Variants in APEX1 observed in about 807,000 individuals in gnomAD.
APEX1 encodes the protein apurinic/apyrimidinic endodeoxyribonuclease 1.
A neutral mutation model predicts 33.2 loss-of-function variants in APEX1; 32 were observed. The observed-to-expected ratio is 0.96, with a 90% CI of 0.73 to 1.29. The LOEUF is 1.29. Among genes scored for constraint, APEX1 ranks in the 50% most tolerant of loss-of-function variants. The pLI is 0.00. For synonymous variants in APEX1, 175 were observed against 156.6 expected (o/e 1.12, Z -0.88); for missense variants, 442 against 395.6 (o/e 1.12, Z -0.99).
Position 20,456,732 on chromosome 14 carries a change from T to C in APEX1, c.311T>C (p.Leu104Pro). 4 of 1,614,250 alleles carry C rather than the reference T, an allele frequency of 2.5e-6. No individual in the cohort carries two copies. In the South Asian group the frequency reaches 4.4e-5, roughly 18 times the overall value. Residue 104 changes from leucine to proline, a missense_variant, in exon 4 of 5, where the codon CTA (leucine) becomes CCA (proline). Physicochemically the swap from Leu to Pro is moderately conservative, Grantham distance 98 (BLOSUM62 -3). Coordinates refer to ENST00000216714, the MANE Select transcript of APEX1 (RefSeq NM_001641.4). ...GAGACCAAATGTTCAGAGAACAAACTACCAGCTGAACTTCAGGAGCTGCCT... is the reference window on the plus strand; with the variant it reads ...GAGACCAAATGTTCAGAGAACAAACCACCAGCTGAACTTCAGGAGCTGCCT... ...LQETKCSENK[L>P]PAELQELPGL...
Position 20,457,116 on chromosome 14 carries a change from G to A in APEX1, c.565G>A (p.Asp189Asn). The A allele has an allele frequency of 1.2e-6, 2 of 1,614,186 alleles. No homozygotes were observed. The highest frequency in any genetic ancestry group is 2.2e-5 in the East Asian group (1 of 44,890). The change falls in exon 5 of 5, where the codon GAT (aspartate) becomes AAT (asparagine). Residue 189 changes from aspartate to asparagine, a missense_variant. Asp to Asn is a conservative substitution (Grantham distance 23). Transcript: ENST00000216714. Reference protein sequence around the residue: ...LVRLEYRQRWDEAFRKFLKGL... With the variant: ...LVRLEYRQRWNEAFRKFLKGL... ...ACGACTGGAGTACCGGCAGCGCTGG[G>A]ATGAAGCCTTTCGCAAGTTCCTGAA...
chr14:20,455,817 T>TC, intron 2 of APEX1, 97 bp from the exon 3 acceptor site: 4 of 1,613,704 alleles, frequency 2.5e-6, no homozygotes, highest in Non-Finnish European at 3.4e-6. Flanking sequence ...TGTGAAGAAG[T>TC]CGCAGGAACC....
In APEX1 at chr14:20,457,717, C is replaced by G; in HGVS notation, c.*209C>G. ...TTAAAAAAAAATTGAACAAAGACTA[C>G]TAATGACTTTGTTTGAATTATCCAC... On this transcript the variant is annotated 3_prime_UTR_variant, in exon 5 of 5. Coordinates refer to ENST00000216714, the MANE Select transcript of APEX1 (RefSeq NM_001641.4). The G allele has an allele frequency of 1.5e-6, 1 of 655,202 alleles. No homozygotes were observed. 40.6% of individuals were successfully genotyped at this position (655,202 alleles called of 1,614,324 possible).
In APEX1 at chr14:20,455,533, T is replaced by C. The variant is rs1555332089; in HGVS notation, c.-68-45T>C. 2.5e-6 allele frequency: 4 copies of C among 1,574,400 alleles called. No individual in the cohort carries two copies. The South Asian group carries it at 3.4e-5, about 13-fold the overall frequency. On this transcript the variant is annotated intron_variant, in intron 1 of 4. Transcript: ENST00000216714. ...TGCGGGGACGCTCTTGGGAGGAGTC[T>C]TCTCCCCAGCCTTAGCTGGTTTCAT...
chr14:20,457,362 A>G lies in APEX1; in HGVS notation c.811A>G (p.Met271Val). Reference sequence around the variant, plus strand: ...TGCCTACACCTTTTGGACTTATATGATGAATGCTCGATCCAAGAATGTTGG... The same window carrying G: ...TGCCTACACCTTTTGGACTTATATGGTGAATGCTCGATCCAAGAATGTTGG... Reference protein sequence around the residue: ...PYAYTFWTYMMNARSKNVGWR... With the variant: ...PYAYTFWTYMVNARSKNVGWR... The change falls in exon 5 of 5, where the codon ATG becomes GTG. Residue 271 changes from methionine to valine, a missense_variant. Met to Val is a conservative substitution (Grantham distance 21, BLOSUM62 1). Coordinates refer to ENST00000216714, the MANE Select transcript of APEX1 (RefSeq NM_001641.4). 1 of 1,614,150 alleles carries G rather than the reference A, an allele frequency of 6.2e-7. No individual in the cohort carries two copies. Among genetic ancestry groups the G allele is most frequent in the Non-Finnish European group, 8.5e-7 (1 of 1,180,030 alleles).
chr14:20,457,599 T>C lies in APEX1; in HGVS notation c.*91T>C. The C allele has an allele frequency of 6.6e-7, 1 of 1,515,480 alleles. No homozygotes were observed. The highest frequency in any genetic ancestry group is 9.1e-7 in the Non-Finnish European group (1 of 1,101,990). The allele number at this position is 1,515,480 out of a possible 1,614,324, so 93.9% of individuals were successfully genotyped here. On this transcript the variant is annotated 3_prime_UTR_variant, in exon 5 of 5. Transcript: ENST00000216714. Reference sequence around the variant, plus strand: ...ACTCTTCAGAGAAATCTGCATTCTATTTCTCATGTATAAAACTAGGAATCC... The same window carrying C: ...ACTCTTCAGAGAAATCTGCATTCTACTTCTCATGTATAAAACTAGGAATCC...
intron 1 of APEX1, 26 bp downstream of exon 1, chr14:20,455,420 G>A: frequency 3.0e-6 from 2 of 662,414 alleles, no homozygotes; most frequent in East Asian, 2.8e-5. Flanking sequence ...AAATGATCTA[G>A]TTTCGTGGGT....
intron 1 of APEX1, 66 bp downstream of exon 1, chr14:20,455,460 G>T: frequency 1.1e-6 from 1 of 923,812 alleles, no homozygotes; most frequent in East Asian, 2.6e-5. Context: ...GATGCACGGA[G>T]GCGGGGAAAG....
chr14:20,455,792 A>G, intron 2 of APEX1, 89 bp downstream of exon 2: 2 of 1,613,814 alleles, frequency 1.2e-6, no homozygotes. Context: ...GGGCCGACTC[A>G]TTTTTGCAGG....
Position 20,457,126 on chromosome 14 carries a change from T to C in APEX1, c.575T>C (p.Phe192Ser). The C allele has an allele frequency of 8.1e-6, 13 of 1,614,168 alleles. No homozygotes were observed. The highest frequency in any genetic ancestry group is 1.1e-5 in the Non-Finnish European group (13 of 1,180,032). The change falls in exon 5 of 5, where the codon TTT becomes TCT. Residue 192 changes from phenylalanine (F) to serine (S), a missense_variant. Physicochemically the swap from Phe to Ser is radical, Grantham distance 155. Coordinates refer to ENST00000216714, the MANE Select transcript of APEX1 (RefSeq NM_001641.4). ...TACCGGCAGCGCTGGGATGAAGCCT[T>C]TCGCAAGTTCCTGAAGGGCCTGGCT... is the stretch of plus-strand genomic sequence containing the variant. ...LEYRQRWDEA[F>S]RKFLKGLASR...
chr14:20,456,496 T>C (rs910499349), intron 3 of APEX1, among the ~76,000 whole-genome samples, 172 bp from the exon 4 acceptor site: 2 of 152,232 alleles, frequency 1.3e-5, no homozygotes, highest in Admixed American at 6.5e-5. Context: ...CCTCTCTATA[T>C]TTGTTTTCAT....
At position 20,457,481 on chromosome 14, in the gene APEX1, TC is replaced by T. The variant is rs1566515496; in HGVS notation, c.932del (p.Pro311LeufsTer6). On this transcript the variant is annotated frameshift_variant, in exon 5 of 5. Transcript: ENST00000216714. LOFTEE classifies it high-confidence loss of function. ...RSKALGSDHC[P>X]ITLYLAL ...CCAAGGCCCTCGGCAGTGATCACTGTCCTATCACCCTATACCTAGCACTGTG... is the reference window on the plus strand; with the variant it reads ...CCAAGGCCCTCGGCAGTGATCACTGTCTATCACCCTATACCTAGCACTGTG... 1.9e-6 allele frequency: 3 copies of T among 1,614,176 alleles called. No individual in the cohort carries two copies. The South Asian group carries it at 3.3e-5, about 18-fold the overall frequency.
rs3189662 is a variant in APEX1 at position 20,457,694 on chromosome 14, A to T, written c.*186A>T. 44 of 758,554 alleles carry T rather than the reference A, an allele frequency of 5.8e-5. No individual in the cohort carries two copies. In the Middle Eastern group the frequency reaches 1.0e-3, roughly 18 times the overall value. The allele number at this position is 758,554 out of a possible 1,614,324, so 47.0% of individuals were successfully genotyped here. Reference sequence around the variant, plus strand: ...TTTATTTGAGGGTTTTTTGTTTTTTAAAAAAAAATTGAACAAAGACTACTA... The same window carrying T: ...TTTATTTGAGGGTTTTTTGTTTTTTTAAAAAAAATTGAACAAAGACTACTA... On this transcript the variant is annotated 3_prime_UTR_variant, in exon 5 of 5. Coordinates refer to ENST00000216714, the MANE Select transcript of APEX1 (RefSeq NM_001641.4).
chr14:20,456,115 G>A lies in APEX1; in HGVS notation c.246+14G>A, dbSNP rs199597660. 8 of 1,613,042 alleles carry A rather than the reference G, an allele frequency of 5.0e-6. No homozygotes were observed. The highest frequency in any genetic ancestry group is 2.7e-5 in the African/African-American group (2 of 74,884). On this transcript the variant is annotated intron_variant, in intron 3 of 4. Coordinates refer to ENST00000216714, the MANE Select transcript of APEX1 (RefSeq NM_001641.4). ...AAAGGATTAGATGTGAGTGGAATTT[G>A]AGGGAAAGAGACATTTTTTAGTATT...
chr14:20,457,095 C>G lies in APEX1; in HGVS notation c.544C>G (p.Leu182Val), dbSNP rs762084166. 6.2e-7 allele frequency: 1 copy of G among 1,614,228 alleles called. No individual in the cohort carries two copies. Among genetic ancestry groups the G allele is most frequent in the East Asian group, 2.2e-5 (1 of 44,890 alleles). ...TAATGCAGGCCGAGGTCTGGTACGACTGGAGTACCGGCAGCGCTGGGATGA... is the reference window on the plus strand; with the variant it reads ...TAATGCAGGCCGAGGTCTGGTACGAGTGGAGTACCGGCAGCGCTGGGATGA... ...VPNAGRGLVR[L>V]EYRQRWDEAF... The change falls in exon 5 of 5, where the codon CTG becomes GTG. Residue 182 changes from leucine (L) to valine (V), a missense_variant. Leu to Val is a conservative substitution (Grantham distance 32). Coordinates refer to ENST00000216714, the MANE Select transcript of APEX1 (RefSeq NM_001641.4).
rs776338830 is a variant in APEX1, at chr14:20,456,811, C to T, written c.390C>T (p.Gly130=). 54 of 1,614,050 alleles carry T rather than the reference C, an allele frequency of 3.3e-5. No individual in the cohort carries two copies. The highest frequency in any genetic ancestry group is 1.4e-4 in the South Asian group (13 of 91,088). The part of the protein sequence containing the change: ...SAPSDKEGYS[G]VGLLSRQCPL... The stretch of plus-strand genomic sequence containing the variant: ...CTTCGGACAAGGAAGGGTACAGTGG[C>T]GTGGGCCTGCTTTCCCGCCAGTGCC... Residue 130 remains glycine (G), a synonymous_variant, in exon 4 of 5, where the codon GGC becomes GGT. Transcript: ENST00000216714.
rs946320913 is a variant in APEX1 at position 20,457,174 on chromosome 14, G to A, written c.623G>A (p.Cys208Tyr). The change falls in exon 5 of 5, where the codon TGT becomes TAT. Residue 208 changes from cysteine to tyrosine, a missense_variant. Cys to Tyr is a radical substitution (Grantham distance 194). Coordinates refer to ENST00000216714, the MANE Select transcript of APEX1 (RefSeq NM_001641.4). Reference protein sequence around the residue: ...GLASRKPLVLCGDLNVAHEEI... With the variant: ...GLASRKPLVLYGDLNVAHEEI... ...GCTTCCCGAAAGCCCCTTGTGCTGT[G>A]TGGAGACCTCAATGTGGCACATGAA... The A allele has an allele frequency of 3.1e-6, 5 of 1,614,066 alleles. No homozygotes were observed. Among genetic ancestry groups the A allele is most frequent in the African/African-American group, 2.7e-5 (2 of 74,902 alleles).
Position 20,457,350 on chromosome 14 carries a change from T to C in APEX1, c.799T>C (p.Trp267Arg). The stretch of plus-strand genomic sequence containing the variant: ...CAACACACCCTATGCCTACACCTTT[T>C]GGACTTATATGATGAATGCTCGATC... ...YPNTPYAYTF[W>R]TYMMNARSKN... Residue 267 changes from tryptophan (W) to arginine (R), a missense_variant, in exon 5 of 5, where the codon TGG (tryptophan) becomes CGG (arginine). Physicochemically the swap from Trp to Arg is moderately radical, Grantham distance 101 (BLOSUM62 -3). Coordinates refer to ENST00000216714, the MANE Select transcript of APEX1 (RefSeq NM_001641.4). 6.2e-7 allele frequency: 1 copy of C among 1,614,246 alleles called. No homozygotes were observed. Among genetic ancestry groups the C allele is most frequent in the Non-Finnish European group, 8.5e-7 (1 of 1,180,040 alleles).
chr14:20,456,587 T>C, intron 3 of APEX1, 81 bp from the exon 4 acceptor site: 3 of 1,375,132 alleles, frequency 2.2e-6, no homozygotes, highest in Non-Finnish European at 3.1e-6. Flanking sequence ...CCCGTGCGTA[T>C]CTATGACTTA....
Sources: gnomAD v4.1 joint callset for allele counts (sites outside exome capture counted in the v4.1 genomes callset) on GRCh38, gnomAD v4.1.1 for gene constraint, MANE v1.5 for transcripts, NCBI Gene and HGNC (gene_info 2026-07-23, HGNC 2026-07-21) for gene names.